The following CACHD1 variants were observed in gnomAD, a reference collection of about 807,000 sequenced individuals.
The protein encoded by CACHD1 is cache domain containing 1.
CACHD1 carries 71 observed loss-of-function variants against 138.7 expected under a neutral mutation model. That is an observed-to-expected ratio of 0.51 (90% confidence interval 0.42 to 0.62). The LOEUF is 0.62. Ranked by LOEUF, CACHD1 falls within the 20% of genes least tolerant of loss-of-function variation. CACHD1 has a pLI of 0.00. For missense variants in CACHD1, 1,389 were observed against 1,625.3 expected, an observed-to-expected ratio of 0.85 and a Z score of 2.50; for synonymous variants, 578 against 591.5, an observed-to-expected ratio of 0.98 and a Z score of 0.33.
At chr1:64,487,019 TGTG>T (rs1476400050) in intron 1 of CACHD1, among the ~76,000 whole-genome samples, 1 of 151,978 alleles carries the variant, frequency 6.6e-6, no homozygotes, top group Non-Finnish European at 1.5e-5. Context: ...TACAGAGACC[TGTG>T]GAGGGAAGGA....
chr1:64,603,265 C>T (rs571736090), intron 4 of CACHD1, among the ~76,000 whole-genome samples: 92 of 151,956 alleles, frequency 6.1e-4, no homozygotes, highest in African/African-American at 1.0e-3. Flanking sequence ...CCACCACACC[C>T]GGTTAATTTT....
chr1:64,632,764 C>T (rs745312456), intron 6 of CACHD1, 21 bp downstream of exon 6: 6 of 1,613,500 alleles, frequency 3.7e-6, no homozygotes, highest in Non-Finnish European at 5.1e-6. Context: ...CCCTTGTGAC[C>T]CCTATGGCAT....
intron 2 of CACHD1, among the ~76,000 whole-genome samples, chr1:64,555,156 T>C (rs1418979809): frequency 1.3e-5 from 2 of 152,010 alleles, no homozygotes; most frequent in Non-Finnish European, 2.9e-5. Flanking sequence ...GCCCAGTTCA[T>C]TTTTGTATTT....
intron 1 of CACHD1, among the ~76,000 whole-genome samples, chr1:64,529,073 A>G (rs910921496): frequency 2.6e-5 from 4 of 152,124 alleles, no homozygotes; most frequent in African/African-American, 9.7e-5. Flanking sequence ...TCATGAATCT[A>G]TAGTCTGGTG....
intron 1 of CACHD1, among the ~76,000 whole-genome samples, chr1:64,486,451 C>T (rs929536012): frequency 6.6e-6 from 1 of 151,780 alleles, no homozygotes; most frequent in African/African-American, 2.4e-5. Context: ...TTTTATCTTC[C>T]GGATGTGGAC....
chr1:64,649,681 T>C (rs1472597967), intron 9 of CACHD1, among the ~76,000 whole-genome samples: 1 of 152,214 alleles, frequency 6.6e-6, no homozygotes, highest in African/African-American at 2.4e-5. Context: ...AGCCAAATTC[T>C]CTTACTGATA....
At chr1:64,657,431 C>G (rs1649303507) in intron 12 of CACHD1, among the ~76,000 whole-genome samples, 2 of 152,062 alleles carry the variant, frequency 1.3e-5, no homozygotes, top group Non-Finnish European at 2.9e-5. Flanking sequence ...TCTAGTCATT[C>G]TGGTAGGGTT....
intron 1 of CACHD1, among the ~76,000 whole-genome samples, chr1:64,519,063 A>G (rs1446917668): frequency 6.6e-6 from 1 of 152,184 alleles, no homozygotes; most frequent in Non-Finnish European, 1.5e-5. Flanking sequence ...GATAGGTACC[A>G]TTTAACTGAG....
At chr1:64,629,293 G>A in intron 4 of CACHD1, 62 bp from the exon 5 acceptor site, 1 of 1,567,216 alleles carries the variant, frequency 6.4e-7, no homozygotes, top group South Asian at 1.2e-5. Flanking sequence ...GATGCCTGAG[G>A]AGCAGTGCCT....
intron 3 of CACHD1, among the ~76,000 whole-genome samples, chr1:64,592,940 A>G (rs1277389744): frequency 6.6e-6 from 1 of 152,194 alleles, no homozygotes; most frequent in Non-Finnish European, 1.5e-5. Context: ...TCTGGCAACT[A>G]GGTTTTCTTG....
chr1:64,605,461 TAAAA>T (rs1208322686), intron 4 of CACHD1, among the ~76,000 whole-genome samples: 2 of 152,156 alleles, frequency 1.3e-5, no homozygotes, highest in South Asian at 2.1e-4. Flanking sequence ...AGGGAAAAAA[TAAAA>T]AAAGAAGGAA....
rs184142582 is a variant in CACHD1 at position 64,516,243 on chromosome 1, A to G, written c.199-34351A>G. ...TTTTCTCCTGGTGATTCTGCAATCA[A>G]TTATCGCTATCTCTCCATTCTCATT... On this transcript the variant is annotated intron_variant, in intron 1 of 26. Coordinates refer to ENST00000651257, the MANE Select transcript of CACHD1 (RefSeq NM_020925.4). 4.0e-3 allele frequency among the ~76,000 whole-genome samples: 606 copies of G among 152,290 alleles called. 1 individual carries two copies. The highest frequency in any genetic ancestry group is 6.0e-3 in the Non-Finnish European group (405 of 68,014).
At chr1:64,540,553 C>A (rs968623869) in intron 1 of CACHD1, among the ~76,000 whole-genome samples, 3 of 152,144 alleles carry the variant, frequency 2.0e-5, no homozygotes, top group Middle Eastern at 3.2e-3. Context: ...AAAACAACAA[C>A]AAAAACTCAG....
chr1:64,601,701 A>T (rs1310428892), intron 3 of CACHD1, among the ~76,000 whole-genome samples: 1 of 152,234 alleles, frequency 6.6e-6, no homozygotes, highest in East Asian at 1.9e-4. Flanking sequence ...AGATAATTAA[A>T]GTTCATGCCA....
chr1:64,553,424 C>T (rs946481470), intron 2 of CACHD1, among the ~76,000 whole-genome samples: 8 of 152,204 alleles, frequency 5.3e-5, no homozygotes, highest in African/African-American at 1.4e-4. Flanking sequence ...GTAAAATATC[C>T]GCCATCACAA....
At chr1:64,600,789 A>G (rs537532706) in intron 3 of CACHD1, among the ~76,000 whole-genome samples, 1 of 152,366 alleles carries the variant, frequency 6.6e-6, no homozygotes, top group African/African-American at 2.4e-5. Context: ...CATCACAATC[A>G]GGATAGGCCT....
intron 2 of CACHD1, among the ~76,000 whole-genome samples, chr1:64,575,261 C>A (rs1406355313): frequency 1.3e-5 from 2 of 152,152 alleles, no homozygotes; most frequent in Non-Finnish European, 2.9e-5. Flanking sequence ...AAATTCCCAG[C>A]TAATAAGCGA....
At chr1:64,634,327 A>C (rs1648429365) in intron 7 of CACHD1, 67 bp downstream of exon 7, 1 of 1,015,180 alleles carries the variant, frequency 9.9e-7, no homozygotes. Flanking sequence ...ATATATTGTA[A>C]ATTGATCACA....
chr1:64,635,983 C>T (rs756011662), intron 7 of CACHD1, among the ~76,000 whole-genome samples: 19 of 151,668 alleles, frequency 1.3e-4, no homozygotes, highest in Non-Finnish European at 2.1e-4. Flanking sequence ...TGGTGGCACA[C>T]GCCTGTAATC....
Sources: gnomAD v4.1 joint callset for allele counts (sites outside exome capture counted in the v4.1 genomes callset) on GRCh38, gnomAD v4.1.1 for gene constraint, MANE v1.5 for transcripts, NCBI Gene and HGNC (gene_info 2026-07-23, HGNC 2026-07-21) for gene names.